MKLN1: variants seen among roughly 807,000 people sequenced by gnomAD.
The protein encoded by MKLN1 is muskelin 1.
A neutral mutation model predicts 99.0 loss-of-function variants in MKLN1; 18 were observed. That is an observed-to-expected ratio of 0.18 (90% CI 0.13 to 0.27). MKLN1 has a LOEUF of 0.27. MKLN1 is among the 10% of genes least tolerant of loss of function. The pLI is 1.00. For synonymous variants in MKLN1, 288 were observed against 293.2 expected, an observed-to-expected ratio of 0.98 and a Z score of 0.18; for missense variants, 621 against 875.9, an observed-to-expected ratio of 0.71 and a Z score of 3.67.
intron 1 of MKLN1, among the ~76,000 whole-genome samples, chr7:131,369,500 A>G (rs982273770): frequency 6.6e-6 from 1 of 152,132 alleles, no homozygotes; most frequent in Non-Finnish European, 1.5e-5. Flanking sequence ...TTTATTGGCT[A>G]TTTGAATGAC....
chr7:131,445,430 G>A lies in MKLN1; in HGVS notation c.1396-344G>A, dbSNP rs142016141. ...AATCTCTATTCTCGCTCTCGCTTGC[G>A]TGCTCTCTCTCTCACTTTTCCCCTC... is the stretch of plus-strand genomic sequence containing the variant. On this transcript the variant is annotated intron_variant, in intron 11 of 17. Transcript: ENST00000352689. 7.2e-5 allele frequency among the ~76,000 whole-genome samples: 11 copies of A among 152,010 alleles called. No individual in the cohort carries two copies. In the East Asian group the frequency reaches 1.9e-3, roughly 27 times the overall value.
chr7:131,222,487 T>G (rs1199599313), intron 3 of MKLN1, among the ~76,000 whole-genome samples: 1 of 152,128 alleles, frequency 6.6e-6, no homozygotes, highest in Non-Finnish European at 1.5e-5. Flanking sequence ...TCTCCCAGGA[T>G]CTCCTTTGGA....
At chr7:131,423,239 G>A (rs1795258613) in intron 8 of MKLN1, among the ~76,000 whole-genome samples, 1 of 152,208 alleles carries the variant, frequency 6.6e-6, no homozygotes, top group Non-Finnish European at 1.5e-5. Context: ...TTGATGGAGA[G>A]TTGCTTGTCA....
chr7:131,323,422 A>C (rs373239792), upstream of MKLN1: 3 of 152,180 alleles, frequency 2.0e-5, no homozygotes, highest in Non-Finnish European at 4.4e-5. Context: ...TTTAGGTGCC[A>C]GTGGAAGTCA....
intron 3 of MKLN1, among the ~76,000 whole-genome samples, chr7:131,271,203 T>C (rs1366530224): frequency 6.6e-6 from 1 of 152,126 alleles, no homozygotes; most frequent in Admixed American, 6.5e-5. Flanking sequence ...TACATCTGCC[T>C]ACCTAGGTCA....
In MKLN1 at chr7:131,379,130, T is replaced by A. The variant is rs967754560; in HGVS notation, c.168+3637T>A. On this transcript the variant is annotated intron_variant, in intron 2 of 17. Transcript: ENST00000352689. ...ATGAAACCTTGTGGTATGATTTTAG[T>A]TTAAAGTGATTGTGGATGAATAGTA... is the stretch of plus-strand genomic sequence containing the variant. 3.9e-5 allele frequency among the ~76,000 whole-genome samples: 6 copies of A among 152,154 alleles called. No homozygotes were observed. The East Asian group carries it at 7.7e-4, about 20-fold the overall frequency.
chr7:131,377,604 C>G (rs1334411744), intron 2 of MKLN1, among the ~76,000 whole-genome samples: 1 of 152,066 alleles, frequency 6.6e-6, no homozygotes, highest in Non-Finnish European at 1.5e-5. Flanking sequence ...ATTCAGTGAT[C>G]ATAACTGAAA....
chr7:131,230,656 C>T (rs1164444454), intron 3 of MKLN1, among the ~76,000 whole-genome samples: 1 of 152,184 alleles, frequency 6.6e-6, no homozygotes, highest in Non-Finnish European at 1.5e-5. Context: ...ATAAATCCTA[C>T]CATTAGTCAG....
chr7:131,349,613 G>A (rs1002260131), intron 1 of MKLN1, among the ~76,000 whole-genome samples: 2 of 152,182 alleles, frequency 1.3e-5, no homozygotes, highest in Non-Finnish European at 1.5e-5. Flanking sequence ...TTTGCATTAG[G>A]TAGAAAAGGG....
chr7:131,360,129 T>G (rs190149884), intron 1 of MKLN1, among the ~76,000 whole-genome samples: 10 of 152,320 alleles, frequency 6.6e-5, no homozygotes, highest in Non-Finnish European at 1.2e-4. Context: ...CTATTCCAGT[T>G]TTCTATTTAA....
At position 131,157,859 on chromosome 7, in the gene MKLN1, C is replaced by T. The variant is rs148464090; in HGVS notation, c.-297+14918C>T. ...GTTGGGATACATTTACAAAACAGTTCATTTGGAGTCTAGTCTCGTATTTGG... is the reference window on the plus strand; with the variant it reads ...GTTGGGATACATTTACAAAACAGTTTATTTGGAGTCTAGTCTCGTATTTGG... On this transcript the variant is annotated intron_variant, in intron 2 of 7. Coordinates refer to the MKLN1 transcript ENST00000416992. Among the ~76,000 whole-genome samples the T allele has an allele frequency of 4.7e-3, 711 of 152,244 alleles. 7 individuals carry two copies. The highest frequency in any genetic ancestry group is 0.016 in the African/African-American group (681 of 41,544).
intron 1 of MKLN1, among the ~76,000 whole-genome samples, chr7:131,352,440 A>T (rs995341719): frequency 1.3e-5 from 2 of 152,174 alleles, no homozygotes; most frequent in African/African-American, 4.8e-5. Flanking sequence ...TTTTTTTAAG[A>T]GAAAAAATAT....
chr7:131,459,048 G>A (rs1025687863), intron 12 of MKLN1, among the ~76,000 whole-genome samples: 1 of 152,174 alleles, frequency 6.6e-6, no homozygotes, highest in African/African-American at 2.4e-5. Context: ...CCAAAGATAC[G>A]GGGAAAACTG....
chr7:131,168,976 G>A (rs973630754), intron 2 of MKLN1, among the ~76,000 whole-genome samples: 7 of 150,258 alleles, frequency 4.7e-5, no homozygotes, highest in African/African-American at 1.7e-4. Context: ...CAAGCAATTC[G>A]TGTGCCTTAA....
intron 1 of MKLN1, among the ~76,000 whole-genome samples, chr7:131,120,548 CAAA>C (rs55945614): frequency 1.0e-4 from 10 of 98,130 alleles, no homozygotes; most frequent in African/African-American, 1.2e-4. Context: ...GACTCCCTCT[CAAA>C]AAAAAAAAAA....
At chr7:131,469,926 A>G (rs1796771543) in intron 15 of MKLN1, among the ~76,000 whole-genome samples, 1 of 148,160 alleles carries the variant, frequency 6.7e-6, no homozygotes, top group Admixed American at 6.8e-5. Flanking sequence ...TCCAGGCTGG[A>G]GTGCAGTGGT....
chr7:131,246,871 C>T (rs1797497291), intron 3 of MKLN1, among the ~76,000 whole-genome samples: 1 of 152,128 alleles, frequency 6.6e-6, no homozygotes, highest in Non-Finnish European at 1.5e-5. Context: ...AGCTGCTTTG[C>T]TTCTTGTGAT....
chr7:131,270,116 G>A (rs888852471), intron 3 of MKLN1, among the ~76,000 whole-genome samples: 1 of 151,462 alleles, frequency 6.6e-6, no homozygotes, highest in African/African-American at 2.4e-5. Context: ...TAGAGACAGG[G>A]TATCACCATG....
intron 1 of MKLN1, among the ~76,000 whole-genome samples, chr7:131,334,431 G>A (rs1290110245): frequency 6.6e-6 from 1 of 152,182 alleles, no homozygotes; most frequent in Non-Finnish European, 1.5e-5. Flanking sequence ...CACTCAAGAT[G>A]GAAGAAATGT....
Sources: gnomAD v4.1 joint callset for allele counts (sites outside exome capture counted in the v4.1 genomes callset) on GRCh38, gnomAD v4.1.1 for gene constraint, MANE v1.5 for transcripts, NCBI Gene and HGNC (gene_info 2026-07-23, HGNC 2026-07-21) for gene names.